Variants in OR11A1 observed in about 807,000 individuals in gnomAD.
OR11A1 encodes the protein olfactory receptor family 11 subfamily A member 1.
For synonymous variants in OR11A1, 158 were observed against 152.2 expected (o/e 1.04, Z -0.28); for missense variants, 380 against 378.2 (o/e 1.00, Z -0.04).
chr6:29,443,306 C>A (rs1473847312), intron 1 of OR11A1, among the ~76,000 whole-genome samples: 2 of 152,172 alleles, frequency 1.3e-5, no homozygotes, highest in South Asian at 2.1e-4. Flanking sequence ...CATTCCCAAG[C>A]AACCTCTGAT....
chr6:29,431,390 C>A (rs1195114664), intron 2 of OR11A1, among the ~76,000 whole-genome samples: 1 of 151,992 alleles, frequency 6.6e-6, no homozygotes, highest in Admixed American at 6.6e-5. Context: ...CATAATAAAA[C>A]ATTAAAATAT....
chr6:29,429,032 T>C (rs1230225775), intron 3 of OR11A1, 72 bp from the exon 4 acceptor site: 1 of 351,386 alleles, frequency 2.8e-6, no homozygotes, highest in Non-Finnish European at 4.0e-6. Context: ...AAAGCAGATA[T>C]CATATAAATA....
At position 29,430,467 on chromosome 6, in the gene OR11A1, C is replaced by T. The variant is rs1387972540; in HGVS notation, c.-264-42G>A. 10 of 983,414 alleles carry T rather than the reference C, an allele frequency of 1.0e-5. No individual in the cohort carries two copies. The African/African-American group carries it at 1.6e-4, about 15-fold the overall frequency. The allele number at this position is 983,414 out of a possible 1,614,324, so 60.9% of individuals were successfully genotyped here. ...GAGCATGTAAATCAGGCAAGAATAC[C>T]TCTAATAATAAATAGCTCATGACCA... On this transcript the variant is annotated intron_variant, in intron 2 of 4. Transcript: ENST00000377149.
In OR11A1 at chr6:29,427,239, G is replaced by T. The variant is rs559947571; in HGVS notation, c.403C>A (p.Leu135Ile). Reference sequence around the variant, plus strand: ...ATGTACCGTCTGGGCCCCATCAGGAGTGGGTAGTGGAGTGGGTAGCAAATT... The same window carrying T: ...ATGTACCGTCTGGGCCCCATCAGGATTGGGTAGTGGAGTGGGTAGCAAATT... ...LAICYPLHYPLLMGPRRYMGL... is the reference protein window; with the variant it reads ...LAICYPLHYPILMGPRRYMGL... The change falls in exon 5 of 5, where the codon CTC (leucine) becomes ATC (isoleucine). Residue 135 changes from leucine to isoleucine, a missense_variant. Coordinates refer to ENST00000377149, the MANE Select transcript of OR11A1 (RefSeq NM_001394828.1). 2 of 1,613,140 alleles carry T rather than the reference G, an allele frequency of 1.2e-6. No individual in the cohort carries two copies. Among genetic ancestry groups the T allele is most frequent in the Middle Eastern group, 3.3e-4 (2 of 6,062 alleles).
In OR11A1 at chr6:29,425,710, G is replaced by A. The variant is rs1561766110; in HGVS notation, c.*984C>T. 6.6e-6 allele frequency: 1 copy of A among 152,162 alleles called. No individual in the cohort carries two copies. Among genetic ancestry groups the A allele is most frequent in the Non-Finnish European group, 1.5e-5 (1 of 68,018 alleles). 9.4% of individuals were successfully genotyped at this position (152,162 alleles called of 1,614,324 possible). ...ATGTTGATGTTGAAGCTGGATGGTG[G>A]CTACATGGAGTACATGGGGGTTCAC... On this transcript the variant is annotated 3_prime_UTR_variant, in exon 5 of 5. Coordinates refer to ENST00000377149, the MANE Select transcript of OR11A1 (RefSeq NM_001394828.1).
intron 1 of OR11A1, chr6:29,440,744 C>T: frequency 6.2e-7 from 1 of 1,614,072 alleles, no homozygotes; most frequent in East Asian, 2.2e-5. Flanking sequence ...GCTCCTCCCA[C>T]CTGATCATGG....
intron 1 of OR11A1, chr6:29,440,444 A>G: frequency 6.2e-7 from 1 of 1,613,996 alleles, no homozygotes; most frequent in Non-Finnish European, 8.5e-7. Flanking sequence ...GTCTACAGCT[A>G]GCTGGGTCGG....
At chr6:29,436,461 G>A (rs1783634723) in intron 1 of OR11A1, among the ~76,000 whole-genome samples, 1 of 152,044 alleles carries the variant, frequency 6.6e-6, no homozygotes. Flanking sequence ...TTGGCTGTGG[G>A]TTCAACGTTA....
rs1782841471 is a variant in OR11A1 at position 29,426,775 on chromosome 6, C to G, written c.867G>C (p.Val289=). 1.2e-6 allele frequency: 2 copies of G among 1,612,946 alleles called. No individual in the cohort carries two copies. The highest frequency in any genetic ancestry group is 3.3e-5 in the Admixed American group (2 of 60,004). Reference sequence around the variant, plus strand: ...CCTCCTTGTTCCTCATGGTATAGATCACAGGATTGAAGAGAGGGGTGACCA... The same window carrying G: ...CCTCCTTGTTCCTCATGGTATAGATGACAGGATTGAAGAGAGGGGTGACCA... ...YTVVTPLFNP[V]IYTMRNKEVH... is the part of the protein sequence containing the mutation. Residue 289 remains valine, a synonymous_variant, in exon 5 of 5, where the codon GTG becomes GTC. Coordinates refer to ENST00000377149, the MANE Select transcript of OR11A1 (RefSeq NM_001394828.1).
rs2151405462 is a variant in OR11A1 at position 29,453,112 on chromosome 6, T to C, written c.-389+3875A>G. ...GTATCCCCAAGAAAAAAACTTGCAC[T>C]TTAAATATAAAGACAGCTTAATCAT... is the stretch of plus-strand genomic sequence containing the variant. On this transcript the variant is annotated intron_variant, in intron 1 of 4. Coordinates refer to ENST00000377149, the MANE Select transcript of OR11A1 (RefSeq NM_001394828.1). The surrounding 1 kb of genome is among the most constrained non-coding windows in gnomAD (Gnocchi z 4.5). 6.6e-6 allele frequency among the ~76,000 whole-genome samples: 1 copy of C among 150,580 alleles called. No individual in the cohort carries two copies. Among genetic ancestry groups the C allele is most frequent in the African/African-American group, 2.4e-5 (1 of 41,346 alleles).
intron 1 of OR11A1, among the ~76,000 whole-genome samples, chr6:29,443,133 T>C (rs1784371675): frequency 6.6e-6 from 1 of 152,202 alleles, no homozygotes; most frequent in South Asian, 2.1e-4. Flanking sequence ...GAAGTACAAT[T>C]GGCATATGAC....
rs1782749074 is a variant in OR11A1, at chr6:29,425,704, A to G, written c.*990T>C. 6.6e-6 allele frequency: 1 copy of G among 152,196 alleles called. No individual in the cohort carries two copies. Among genetic ancestry groups the G allele is most frequent in the Admixed American group, 6.5e-5 (1 of 15,284 alleles). 9.4% of individuals were successfully genotyped at this position (152,196 alleles called of 1,614,324 possible). A position where few individuals can be genotyped will look rare whatever the true frequency, so the allele number is the denominator to read the frequency against. On this transcript the variant is annotated 3_prime_UTR_variant, in exon 5 of 5. Transcript: ENST00000377149. ...AGCAAAATGTTGATGTTGAAGCTGGATGGTGGCTACATGGAGTACATGGGG... is the reference window on the plus strand; with the variant it reads ...AGCAAAATGTTGATGTTGAAGCTGGGTGGTGGCTACATGGAGTACATGGGG...
At position 29,427,734 on chromosome 6, in the gene OR11A1, TAAAACAAAAC is replaced by T; in HGVS notation, c.-91-12_-91-3del. On this transcript the variant is annotated splice_polypyrimidine_tract_variant and splice_region_variant and intron_variant, in intron 4 of 4. Coordinates refer to ENST00000377149, the MANE Select transcript of OR11A1 (RefSeq NM_001394828.1). The stretch of plus-strand genomic sequence containing the variant: ...ATACCAAGCCTAACGTTATTAGAGC[TAAAACAAAAC>T]AAAACAAAAAAGACAAAAATGAGTC... 6.8e-7 allele frequency: 1 copy of T among 1,472,028 alleles called. No homozygotes were observed. The highest frequency in any genetic ancestry group is 9.0e-7 in the Non-Finnish European group (1 of 1,112,762). The allele number at this position is 1,472,028 out of a possible 1,614,324, so 91.2% of individuals were successfully genotyped here.
intron 1 of OR11A1, among the ~76,000 whole-genome samples, chr6:29,447,420 A>C (rs1449656145): frequency 6.6e-6 from 1 of 152,218 alleles, no homozygotes; most frequent in Admixed American, 6.5e-5. Flanking sequence ...AATTTGAAAA[A>C]TGGGGTTTGC....
intron 1 of OR11A1, among the ~76,000 whole-genome samples, chr6:29,436,957 G>A (rs1029754917): frequency 6.6e-6 from 1 of 152,212 alleles, no homozygotes; most frequent in East Asian, 1.9e-4. Context: ...CGGCCGCAGC[G>A]GCTGCTTTCG....
rs550081813 is a variant in OR11A1, at chr6:29,431,885, C to T, written c.-286G>A. 4.1e-6 allele frequency: 4 copies of T among 985,186 alleles called. No individual in the cohort carries two copies. The highest frequency in any genetic ancestry group is 4.8e-6 in the Non-Finnish European group (4 of 829,840). The allele number at this position is 985,186 out of a possible 1,614,324, so 61.0% of individuals were successfully genotyped here. ...GTACCCGAAATATCGACCCTGTTCTCTAAAGACAGGACTGTGAGGAGGAGA... is the reference window on the plus strand; with the variant it reads ...GTACCCGAAATATCGACCCTGTTCTTTAAAGACAGGACTGTGAGGAGGAGA... On this transcript the variant is annotated 5_prime_UTR_variant, in exon 2 of 5. Coordinates refer to ENST00000377149, the MANE Select transcript of OR11A1 (RefSeq NM_001394828.1).
chr6:29,438,648 A>G (rs1783840037), intron 1 of OR11A1, among the ~76,000 whole-genome samples: 1 of 152,236 alleles, frequency 6.6e-6, no homozygotes, highest in African/African-American at 2.4e-5. Flanking sequence ...TTAACAGGTC[A>G]TTCTGTATTT....
Position 29,427,554 on chromosome 6 carries a change from A to G in OR11A1, c.88T>C (p.Phe30Leu), listed in dbSNP as rs1208844656. The part of the protein sequence containing the change: ...YDIPELHFLF[F>L]IVFTAVYVFI... ...ACATAGACAGCAGTGAATACAATAA[A>G]AAACAAGAAATGCAGTTCAGGGATG... is the stretch of plus-strand genomic sequence containing the variant. Residue 30 changes from phenylalanine to leucine, a missense_variant, in exon 5 of 5, where the codon TTT (phenylalanine) becomes CTT (leucine). By Grantham distance (22) the Phe-to-Leu change is conservative. Coordinates refer to ENST00000377149, the MANE Select transcript of OR11A1 (RefSeq NM_001394828.1). The G allele has an allele frequency of 1.9e-6, 3 of 1,612,978 alleles. No individual in the cohort carries two copies. The highest frequency in any genetic ancestry group is 4.5e-5 in the East Asian group (2 of 44,896).
intron 1 of OR11A1, chr6:29,439,244 T>C (rs1201350323): frequency 1.3e-5 from 2 of 152,186 alleles, no homozygotes; most frequent in Non-Finnish European, 2.9e-5. Context: ...AGTTTATGTG[T>C]GTAGTTTGGG....
Sources: allele counts gnomAD v4.1 joint callset (sites outside exome capture counted in the v4.1 genomes callset), GRCh38; gene constraint gnomAD v4.1.1; non-coding constraint Gnocchi (gnomAD v3.1); transcripts MANE v1.5; gene names NCBI Gene and HGNC (gene_info 2026-07-23, HGNC 2026-07-21).